The following WDFY3 variants were observed in gnomAD, a reference collection of about 807,000 sequenced individuals.
WDFY3 encodes WD repeat and FYVE domain containing 3, also known as WD repeat and FYVE domain-containing protein 3.
In WDFY3, 66 loss-of-function variants were observed where a neutral mutation model predicts 409.6. The ratio of observed to expected loss-of-function variants is 0.16; its 90% CI spans 0.13 to 0.20. WDFY3 has a LOEUF of 0.20. Among genes scored for constraint, WDFY3 ranks in the 10% least tolerant of loss-of-function variants. The pLI is 1.00. For missense variants in WDFY3, 3,031 were observed against 4,298.1 expected (o/e 0.71, Z 8.24); for synonymous variants, 1,521 against 1,537.1 (o/e 0.99, Z 0.25).
At chr4:84,781,689 C>A (rs1746548270) in intron 25 of WDFY3, among the ~76,000 whole-genome samples, 1 of 152,148 alleles carries the variant, frequency 6.6e-6, no homozygotes, top group Admixed American at 6.5e-5. Flanking sequence ...CATAGTGACA[C>A]AACAGGGGCT....
chr4:84,706,971 C>CTTTTTTTTTTTTTT, intron 53 of WDFY3, among the ~76,000 whole-genome samples: 1 of 139,886 alleles, frequency 7.1e-6, no homozygotes. Context: ...CAGCTTCTTG[C>CTTTTTTTTTTTTTT]TCTGTCGCCC....
At chr4:84,875,923 TG>T (rs1762722000) in intron 3 of WDFY3, among the ~76,000 whole-genome samples, 1 of 152,230 alleles carries the variant, frequency 6.6e-6, no homozygotes, top group Non-Finnish European at 1.5e-5. Context: ...TGCCTGAAGC[TG>T]TCTTACAGTT....
At position 84,796,734 on chromosome 4, in the gene WDFY3, A is replaced by G. The variant is rs1260475880; in HGVS notation, c.2954T>C (p.Leu985Pro). 3 of 1,613,196 alleles carry G rather than the reference A, an allele frequency of 1.9e-6. No homozygotes were observed. Among genetic ancestry groups the G allele is most frequent in the Non-Finnish European group, 2.5e-6 (3 of 1,179,438 alleles). The change falls in exon 19 of 68, where the codon CTG becomes CCG. Residue 985 changes from leucine (L) to proline (P), a missense_variant. Physicochemically the swap from Leu to Pro is moderately conservative, Grantham distance 98. Transcript: ENST00000295888. ...PEMRSSMITSLEGLGTDNVFS... is the reference protein window; with the variant it reads ...PEMRSSMITSPEGLGTDNVFS... ...AACATTATCAGTACCCAGACCTTCC[A>G]GAGATGTGATCATACTACCTGTAAG...
chr4:84,933,042 T>A (rs1283244304), intron 1 of WDFY3, among the ~76,000 whole-genome samples: 1 of 152,166 alleles, frequency 6.6e-6, no homozygotes, highest in Non-Finnish European at 1.5e-5. Context: ...CAAACACATT[T>A]TGGTCCTAAA....
At chr4:84,956,337 C>G (rs184580132) in intron 1 of WDFY3, among the ~76,000 whole-genome samples, 2 of 152,110 alleles carry the variant, frequency 1.3e-5, no homozygotes, top group Admixed American at 6.6e-5. Context: ...ACTCAATGAT[C>G]GCTATTATTT....
chr4:84,739,947 A>G (rs1412355842), intron 39 of WDFY3, among the ~76,000 whole-genome samples: 1 of 152,146 alleles, frequency 6.6e-6, no homozygotes, highest in Non-Finnish European at 1.5e-5. Context: ...ACTTCCTTAT[A>G]TAAGTGACAT....
chr4:84,880,200 A>G (rs925227267), intron 3 of WDFY3, among the ~76,000 whole-genome samples: 4 of 152,138 alleles, frequency 2.6e-5, no homozygotes, highest in African/African-American at 9.7e-5. Context: ...CTGGAAGATG[A>G]AAAAGGCAAG....
chr4:84,832,156 AT>A (rs777097970), intron 7 of WDFY3, among the ~76,000 whole-genome samples: 1 of 152,206 alleles, frequency 6.6e-6, no homozygotes, highest in Non-Finnish European at 1.5e-5. Flanking sequence ...CTATTCAGCC[AT>A]AAAAAAGAAT....
chr4:84,839,205 G>A (rs1756997841), intron 6 of WDFY3, among the ~76,000 whole-genome samples: 1 of 151,874 alleles, frequency 6.6e-6, no homozygotes, highest in Non-Finnish European at 1.5e-5. Context: ...GTAGAAAACT[G>A]TATTAAAAGT....
At chr4:84,802,094 C>T (rs1476467334) in intron 16 of WDFY3, among the ~76,000 whole-genome samples, 1 of 151,512 alleles carries the variant, frequency 6.6e-6, no homozygotes, top group African/African-American at 2.4e-5. Context: ...ATAACAGGCG[C>T]CCACCACCAC....
chr4:84,838,803 T>A (rs1756939640), intron 6 of WDFY3, among the ~76,000 whole-genome samples: 1 of 152,126 alleles, frequency 6.6e-6, no homozygotes, highest in Admixed American at 6.5e-5. Flanking sequence ...CTCCTCATCT[T>A]TCCTTCTACC....
chr4:84,918,755 T>A (rs998273701), intron 2 of WDFY3, among the ~76,000 whole-genome samples: 1 of 151,672 alleles, frequency 6.6e-6, no homozygotes, highest in African/African-American at 2.4e-5. Context: ...TATTCACATA[T>A]GTATATCCAT....
intron 1 of WDFY3, among the ~76,000 whole-genome samples, chr4:84,942,969 T>C (rs772020670): frequency 2.0e-5 from 3 of 152,344 alleles, no homozygotes; most frequent in Non-Finnish European, 2.9e-5. Flanking sequence ...TACAGTAAAC[T>C]TGAACAACAT....
intron 2 of WDFY3, among the ~76,000 whole-genome samples, chr4:84,913,917 C>T (rs1270282945): frequency 1.3e-5 from 2 of 152,224 alleles, no homozygotes; most frequent in East Asian, 3.9e-4. Context: ...CCTTCTCTTC[C>T]TCCTCAGCCT....
In WDFY3 at chr4:84,794,502, C is replaced by CAAA; in HGVS notation, c.3487+14_3487+16dup. The CAAA allele has an allele frequency of 6.4e-7, 1 of 1,563,730 alleles. No individual in the cohort carries two copies. The highest frequency in any genetic ancestry group is 8.7e-7 in the Non-Finnish European group (1 of 1,149,438). The stretch of plus-strand genomic sequence containing the variant: ...TACTTCTATAATCAAAAGAAGAAAA[C>CAAA]AAAAAAAAATACTGACCATAATTTT... On this transcript the variant is annotated intron_variant, in intron 21 of 67. Transcript: ENST00000295888.
chr4:84,876,520 G>A (rs181362540), intron 3 of WDFY3, among the ~76,000 whole-genome samples: 67 of 152,268 alleles, frequency 4.4e-4, no homozygotes, highest in African/African-American at 1.4e-3. Context: ...TGGCACAAGT[G>A]CTCAGTAAGA....
At chr4:84,674,036 G>A (rs1725854862) in intron 67 of WDFY3, among the ~76,000 whole-genome samples, 1 of 152,172 alleles carries the variant, frequency 6.6e-6, no homozygotes, top group Admixed American at 6.5e-5. Context: ...GATCCCTCAA[G>A]AGTGTCAACA....
chr4:84,800,066 A>C (rs899034319), intron 17 of WDFY3, among the ~76,000 whole-genome samples: 7 of 152,210 alleles, frequency 4.6e-5, no homozygotes, highest in Non-Finnish European at 7.3e-5. Flanking sequence ...CTATTTTCAA[A>C]ACTTTAGGAC....
intron 58 of WDFY3, among the ~76,000 whole-genome samples, chr4:84,693,363 C>T (rs989891947): frequency 6.6e-6 from 1 of 152,156 alleles, no homozygotes; most frequent in African/African-American, 2.4e-5. Context: ...AAAGTTAACT[C>T]TCAGTAGCCT....
Sources: allele counts gnomAD v4.1 joint callset (sites outside exome capture counted in the v4.1 genomes callset), GRCh38; gene constraint gnomAD v4.1.1; transcripts MANE v1.5; gene names NCBI Gene and HGNC (gene_info 2026-07-23, HGNC 2026-07-21).